MYOF: variants seen among roughly 807,000 people sequenced by gnomAD.
MYOF encodes fer-1-like 3, myoferlin.
MYOF carries 244 observed loss-of-function variants against 284.2 expected under a neutral mutation model. The ratio of observed to expected loss-of-function variants is 0.86; its 90% CI spans 0.77 to 0.95. MYOF has a LOEUF of 0.95. Among genes scored for constraint, MYOF ranks in the 40% least tolerant of loss-of-function variants. MYOF has a pLI of 0.00. For missense variants in MYOF, 2,496 were observed against 2,560.6 expected (o/e 0.97, Z 0.54); for synonymous variants, 904 against 919.7 (o/e 0.98, Z 0.31).
chr10:93,346,085 T>C (rs1236710492), intron 37 of MYOF, among the ~76,000 whole-genome samples: 2 of 152,230 alleles, frequency 1.3e-5, no homozygotes, highest in African/African-American at 4.8e-5. Context: ...AATGAAACAA[T>C]TCCTGCAATT....
At chr10:93,326,198 G>A (rs573225703) in intron 45 of MYOF, among the ~76,000 whole-genome samples, 4 of 152,294 alleles carry the variant, frequency 2.6e-5, no homozygotes, top group Admixed American at 6.5e-5. Flanking sequence ...AAGGGGCCAG[G>A]ACACCAGAAC....
chr10:93,309,232 G>A (rs145896474), intron 53 of MYOF, among the ~76,000 whole-genome samples: 4 of 152,288 alleles, frequency 2.6e-5, no homozygotes, highest in African/African-American at 4.8e-5. Flanking sequence ...TTAGTCATGT[G>A]TCCTTGTTCC....
At chr10:93,411,619 C>T (rs1227618055) in intron 5 of MYOF, among the ~76,000 whole-genome samples, 1 of 152,150 alleles carries the variant, frequency 6.6e-6, no homozygotes, top group Non-Finnish European at 1.5e-5. Context: ...AGTCCATGGG[C>T]AGCACAGCAG....
Position 93,306,811 on chromosome 10 carries a change from C to T in MYOF, c.*152G>A. ...TGCTTGTTGGCCTGACTTTCCAGGA[C>T]TAAGACCCTCTGGGAATCAATGGGG... On this transcript the variant is annotated 3_prime_UTR_variant, in exon 54 of 54. Coordinates refer to ENST00000359263, the MANE Select transcript of MYOF (RefSeq NM_013451.4). The T allele has an allele frequency of 2.5e-6, 2 of 784,692 alleles. No homozygotes were observed. The highest frequency in any genetic ancestry group is 4.3e-6 in the Non-Finnish European group (2 of 467,634). 48.6% of individuals were successfully genotyped at this position (784,692 alleles called of 1,614,324 possible). A position where few individuals can be genotyped will look rare whatever the true frequency, so the allele number is the denominator to read the frequency against.
At chr10:93,446,660 T>G (rs1013313447) in intron 3 of MYOF, among the ~76,000 whole-genome samples, 1 of 151,922 alleles carries the variant, frequency 6.6e-6, no homozygotes, top group Admixed American at 6.6e-5. Context: ...ATAATTGGCC[T>G]AGAATTTACC....
At chr10:93,472,694 A>G (rs964759440) in intron 1 of MYOF, among the ~76,000 whole-genome samples, 3 of 152,194 alleles carry the variant, frequency 2.0e-5, no homozygotes, top group Non-Finnish European at 4.4e-5. Context: ...AATAGTTAAG[A>G]TGGTAAATCT....
chr10:93,376,273 C>G (rs1228885063), intron 22 of MYOF, among the ~76,000 whole-genome samples: 1 of 152,152 alleles, frequency 6.6e-6, no homozygotes. Context: ...CAGAGTGAGA[C>G]TTTGAGGCAA....
intron 1 of MYOF, among the ~76,000 whole-genome samples, chr10:93,457,411 C>T (rs964572807): frequency 6.6e-6 from 1 of 152,170 alleles, no homozygotes; most frequent in African/African-American, 2.4e-5. Flanking sequence ...AACACAGCTT[C>T]AATATTAAGC....
At chr10:93,480,087 C>T (rs1334473388) in intron 1 of MYOF, among the ~76,000 whole-genome samples, 4 of 152,112 alleles carry the variant, frequency 2.6e-5, no homozygotes, top group East Asian at 1.9e-4. Flanking sequence ...ATTTTAATGT[C>T]TTTATATGTC....
At chr10:93,422,409 T>G (rs1170440100) in intron 5 of MYOF, among the ~76,000 whole-genome samples, 1 of 152,224 alleles carries the variant, frequency 6.6e-6, no homozygotes, top group African/African-American at 2.4e-5. Flanking sequence ...ACTGTCCTGC[T>G]GGGAGCACTG....
At position 93,359,863 on chromosome 10, in the gene MYOF, A is replaced by G. The variant is rs1480006591; in HGVS notation, c.3090T>C (p.Asp1030=). The G allele has an allele frequency of 4.3e-6, 7 of 1,614,120 alleles. No individual in the cohort carries two copies. The highest frequency in any genetic ancestry group is 5.9e-6 in the Non-Finnish European group (7 of 1,180,006). The change falls in exon 29 of 54, where the codon GAT becomes GAC. Residue 1030 remains aspartate (D), a synonymous_variant. Coordinates refer to ENST00000359263, the MANE Select transcript of MYOF (RefSeq NM_013451.4). ...RRRLVRKRKK[D]LTQTASSTAR... The stretch of plus-strand genomic sequence containing the variant: ...CGGTGCTTGAAGCAGTCTGTGTTAA[A>G]TCTTTCTTGCGTTTTCGGACCAGCC...
chr10:93,396,152 C>T lies in MYOF; in HGVS notation c.1407G>A (p.Gly469=), dbSNP rs751356250. Residue 469 remains glycine (G), a synonymous_variant, in exon 16 of 54, where the codon GGG becomes GGA. Transcript: ENST00000359263. ...LHLSKIAASG[G]EVEDFSSSGT... ...TGTTGAGTGACTTACCTTCCACTTC[C>T]CCACCAGAGGCAGCAATTTTAGAGA... is the stretch of plus-strand genomic sequence containing the variant. The T allele has an allele frequency of 3.7e-6, 6 of 1,608,196 alleles. No homozygotes were observed. The Admixed American group carries it at 1.0e-4, about 27-fold the overall frequency.
At chr10:93,369,453 C>G (rs989386343) in intron 25 of MYOF, among the ~76,000 whole-genome samples, 192 bp downstream of exon 25, 6 of 152,102 alleles carry the variant, frequency 3.9e-5, no homozygotes, top group African/African-American at 1.2e-4. Flanking sequence ...ATGGTGTGTT[C>G]CAATGTTGAC....
At chr10:93,396,363 G>T in intron 15 of MYOF, 139 bp from the exon 16 acceptor site, 1 of 582,368 alleles carries the variant, frequency 1.7e-6, no homozygotes, top group Admixed American at 3.4e-5. Flanking sequence ...CACGTCTAGT[G>T]GGCCTCAAAC....
chr10:93,454,136 C>T lies in MYOF; in HGVS notation c.145-1995G>A, dbSNP rs147919672. Among the ~76,000 whole-genome samples, 63 of 152,084 alleles carry T rather than the reference C, an allele frequency of 4.1e-4. No homozygotes were observed. The East Asian group carries it at 0.01, about 25-fold the overall frequency. ...GGCGGAAGTTGCAGTGAGCCGAGAT[C>T]GCACCATTGCACTCTAGCCTGGGCA... On this transcript the variant is annotated intron_variant, in intron 2 of 53. Transcript: ENST00000359263.
At chr10:93,444,292 G>A (rs56238983) in intron 3 of MYOF, among the ~76,000 whole-genome samples, 1 of 152,198 alleles carries the variant, frequency 6.6e-6, no homozygotes, top group Non-Finnish European at 1.5e-5. Flanking sequence ...CTATATGCCA[G>A]GCACTGTGCT....
chr10:93,379,273 TC>T (rs1299369377), intron 21 of MYOF, among the ~76,000 whole-genome samples: 1 of 152,156 alleles, frequency 6.6e-6, no homozygotes, highest in African/African-American at 2.4e-5. Flanking sequence ...TCTCAGAGTT[TC>T]ATATTGCTAT....
At chr10:93,463,249 T>G (rs990328490) in intron 1 of MYOF, among the ~76,000 whole-genome samples, 2 of 152,106 alleles carry the variant, frequency 1.3e-5, no homozygotes, top group Admixed American at 6.5e-5. Context: ...CCAGCCAGTG[T>G]GTCAGAACCT....
At chr10:93,472,549 G>A (rs1384324292) in intron 1 of MYOF, among the ~76,000 whole-genome samples, 1 of 152,136 alleles carries the variant, frequency 6.6e-6, no homozygotes, top group East Asian at 1.9e-4. Context: ...TGAGGCAGGA[G>A]AATCGCTTGA....
Sources: gnomAD v4.1 joint callset for allele counts (sites outside exome capture counted in the v4.1 genomes callset) on GRCh38, gnomAD v4.1.1 for gene constraint, MANE v1.5 for transcripts, NCBI Gene and HGNC (gene_info 2026-07-23, HGNC 2026-07-21) for gene names.